The following DNAJB12 variants were observed in gnomAD, a reference collection of about 807,000 sequenced individuals.
DNAJB12 encodes DnaJ heat shock protein family (Hsp40) member B12.
In DNAJB12, 14 loss-of-function variants were observed where a neutral mutation model predicts 40.6. That is an observed-to-expected ratio of 0.34 (90% confidence interval 0.23 to 0.54). DNAJB12 has a LOEUF of 0.54. Ranked by LOEUF, DNAJB12 falls within the 20% of genes least tolerant of loss-of-function variation. The pLI is 0.92. For missense variants in DNAJB12, 444 were observed against 501.7 expected, an observed-to-expected ratio of 0.89 and a Z score of 1.10; for synonymous variants, 181 against 199.5, an observed-to-expected ratio of 0.91 and a Z score of 0.78.
intron 1 of DNAJB12, chr10:72,353,940 C>G (rs1401183460): frequency 6.6e-6 from 1 of 152,188 alleles, no homozygotes; most frequent in Non-Finnish European, 1.5e-5. Flanking sequence ...CCTTGGAAAA[C>G]TTAGGTTAAA....
At chr10:72,343,985 G>C (rs1861713543) in intron 2 of DNAJB12, among the ~76,000 whole-genome samples, 1 of 152,096 alleles carries the variant, frequency 6.6e-6, no homozygotes, top group Admixed American at 6.5e-5. Flanking sequence ...AAACTCCTGG[G>C]CTCAAGGGAT....
In DNAJB12 at chr10:72,335,157, A is replaced by G; in HGVS notation, c.*31-540T>C. ...GCTGCCAGGTGTGACGGCATTCGAG[A>G]GAGTGCCTCAGATCCCACCAGAGGG... On this transcript the variant is annotated intron_variant, in intron 8 of 8. Transcript: ENST00000444643. The surrounding 1 kb of genome is among the most constrained non-coding windows in gnomAD (Gnocchi z 4.4). 1.0e-6 allele frequency: 1 copy of G among 987,982 alleles called. No homozygotes were observed. The highest frequency in any genetic ancestry group is 4.6e-5 in the South Asian group (1 of 21,804). 61.2% of individuals were successfully genotyped at this position (987,982 alleles called of 1,614,324 possible). A position where few individuals can be genotyped will look rare whatever the true frequency, so the allele number is the denominator to read the frequency against.
chr10:72,341,060 A>G lies in DNAJB12; in HGVS notation c.568T>C (p.Phe190Leu). 6.2e-7 allele frequency: 1 copy of G among 1,614,146 alleles called. No homozygotes were observed. Reference sequence around the variant, plus strand: ...ATGTCGGCCTCAAAGCCACGGTGGAAATCCCCATGCCCATGGCCGTGCCGG... The same window carrying G: ...ATGTCGGCCTCAAAGCCACGGTGGAGATCCCCATGCCCATGGCCGTGCCGG... ...AARHGHGHGD[F>L]HRGFEADISP... The change falls in exon 4 of 9, where the codon TTC becomes CTC. Residue 190 changes from phenylalanine to leucine, a missense_variant. Physicochemically the swap from Phe to Leu is conservative, Grantham distance 22. Transcript: ENST00000444643.
intron 3 of DNAJB12, 81 bp from the exon 4 acceptor site, chr10:72,341,251 T>A (rs1458995084): frequency 1.2e-5 from 16 of 1,368,744 alleles, no homozygotes; most frequent in Non-Finnish European, 1.6e-5. Context: ...TGCTCACTTT[T>A]CTCAGGTACT....
chr10:72,348,151 G>A (rs1320739442), intron 1 of DNAJB12, among the ~76,000 whole-genome samples: 4 of 152,154 alleles, frequency 2.6e-5, no homozygotes, highest in African/African-American at 9.7e-5. Flanking sequence ...GAACCCGGGA[G>A]GCAGAGGTTG....
intron 5 of DNAJB12, among the ~76,000 whole-genome samples, chr10:72,339,666 T>C (rs1446853509): frequency 6.6e-6 from 1 of 152,212 alleles, no homozygotes; most frequent in Non-Finnish European, 1.5e-5. Context: ...TGTTCTTTGA[T>C]CTGTGGCATA....
At chr10:72,338,099 G>T in intron 6 of DNAJB12, 103 bp downstream of exon 6, 2 of 954,342 alleles carry the variant, frequency 2.1e-6, no homozygotes, top group Non-Finnish European at 1.6e-6. Flanking sequence ...TCTGCATTAT[G>T]ATCGCACACT....
At chr10:72,342,183 C>G (rs1234032260) in intron 3 of DNAJB12, among the ~76,000 whole-genome samples, 1 of 152,172 alleles carries the variant, frequency 6.6e-6, no homozygotes, top group Non-Finnish European at 1.5e-5. Flanking sequence ...GGGTCCAGGC[C>G]CCAACCGTTA....
chr10:72,334,495 C>T lies in DNAJB12; in HGVS notation c.*153G>A. ...ATTTACTGGGTGAGAGAGAGGGCAG[C>T]TGTGCAGCGTTCGGCCTCCAATTCC... On this transcript the variant is annotated 3_prime_UTR_variant, in exon 9 of 9. Transcript: ENST00000444643. 7.1e-7 allele frequency: 1 copy of T among 1,404,158 alleles called. No individual in the cohort carries two copies. Among genetic ancestry groups the T allele is most frequent in the Non-Finnish European group, 9.7e-7 (1 of 1,027,270 alleles). 87.0% of individuals were successfully genotyped at this position (1,404,158 alleles called of 1,614,324 possible).
intron 1 of DNAJB12, among the ~76,000 whole-genome samples, chr10:72,350,294 T>C (rs939255678): frequency 2.7e-5 from 4 of 149,198 alleles, no homozygotes; most frequent in African/African-American, 9.9e-5. Context: ...GGCTGTTTGG[T>C]AGGCTAAGGT....
intron 1 of DNAJB12, among the ~76,000 whole-genome samples, chr10:72,350,866 G>T (rs1861918383): frequency 6.6e-6 from 1 of 152,186 alleles, no homozygotes; most frequent in Admixed American, 6.5e-5. Flanking sequence ...GCTCATGAAG[G>T]TTGACTGACT....
In DNAJB12 at chr10:72,335,273, C is replaced by T. The variant is rs1300797622; in HGVS notation, c.*30+507G>A. On this transcript the variant is annotated intron_variant, in intron 8 of 8. Transcript: ENST00000444643. The surrounding 1 kb of genome is among the most constrained non-coding windows in gnomAD (Gnocchi z 4.4). ...CCTGTTCATCTTGCTCCATTTCCTC[C>T]TAGCTGGAGGGATGGAGAAAGGGGA... The T allele has an allele frequency of 1.2e-5, 12 of 986,890 alleles. No homozygotes were observed. Among genetic ancestry groups the T allele is most frequent in the Non-Finnish European group, 1.3e-5 (11 of 830,692 alleles). 61.1% of individuals were successfully genotyped at this position (986,890 alleles called of 1,614,324 possible).
At chr10:72,348,617 G>C (rs576031671) in intron 1 of DNAJB12, among the ~76,000 whole-genome samples, 248 of 152,362 alleles carry the variant, frequency 1.6e-3, no homozygotes, top group Non-Finnish European at 2.9e-3. Flanking sequence ...CTCCAGTGGA[G>C]CACTGTGCCC....
intron 1 of DNAJB12, among the ~76,000 whole-genome samples, chr10:72,352,355 G>A (rs903732000): frequency 6.6e-6 from 1 of 152,056 alleles, no homozygotes; most frequent in Non-Finnish European, 1.5e-5. Context: ...TCCCCCAAAC[G>A]TTACAACTTT....
chr10:72,340,859 T>C lies in DNAJB12; in HGVS notation c.653A>G (p.His218Arg). 1 of 1,614,086 alleles carries C rather than the reference T, an allele frequency of 6.2e-7. No individual in the cohort carries two copies. Among genetic ancestry groups the C allele is most frequent in the Non-Finnish European group, 8.5e-7 (1 of 1,179,980 alleles). Reference sequence around the variant, plus strand: ...GCGCATGCGGCCGTTGCTGTAGACGTGGACGTTACCTGGGGGTCAGAGGGG... The same window carrying C: ...GCGCATGCGGCCGTTGCTGTAGACGCGGACGTTACCTGGGGGTCAGAGGGG... ...FGGGFPSSNV[H>R]VYSNGRMRYT... Residue 218 changes from histidine to arginine, a missense_variant, in exon 5 of 9, where the codon CAC becomes CGC. By Grantham distance (29) the His-to-Arg change is conservative. Transcript: ENST00000444643.
At chr10:72,337,693 A>G (rs961879099) in intron 6 of DNAJB12, among the ~76,000 whole-genome samples, 1 of 152,180 alleles carries the variant, frequency 6.6e-6, no homozygotes, top group African/African-American at 2.4e-5. Context: ...TTAGTGGAGA[A>G]GCTGGGATTC....
At chr10:72,354,416 C>G (rs1862011621) in intron 1 of DNAJB12, 7 of 269,172 alleles carry the variant, frequency 2.6e-5, no homozygotes, top group South Asian at 1.2e-4. Flanking sequence ...GGCGACTGGC[C>G]TGGGCTACCG....
At chr10:72,345,175 C>G in intron 1 of DNAJB12, 48 bp from the exon 2 acceptor site, 1 of 1,549,918 alleles carries the variant, frequency 6.5e-7, no homozygotes, top group Non-Finnish European at 8.7e-7. Flanking sequence ...AAGCAGGCTG[C>G]GTGCCTCGCC....
rs1007366984 is a variant in DNAJB12, at chr10:72,338,155, T to C, written c.833+47A>G. Reference sequence around the variant, plus strand: ...GAAGGCCCCTGATGGGGCTGAGAATTTAAAGCCCCTTGTCTGCCCATGGCC... The same window carrying C: ...GAAGGCCCCTGATGGGGCTGAGAATCTAAAGCCCCTTGTCTGCCCATGGCC... On this transcript the variant is annotated intron_variant, in intron 6 of 8. Transcript: ENST00000444643. 4 of 1,544,022 alleles carry C rather than the reference T, an allele frequency of 2.6e-6. No individual in the cohort carries two copies. In the African/African-American group the frequency reaches 4.1e-5, roughly 16 times the overall value.
Sources: gnomAD v4.1 joint callset for allele counts (sites outside exome capture counted in the v4.1 genomes callset) on GRCh38, gnomAD v4.1.1 for gene constraint, Gnocchi (gnomAD v3.1) non-coding constraint, MANE v1.5 for transcripts, NCBI Gene and HGNC (gene_info 2026-07-23, HGNC 2026-07-21) for gene names.